The following RASGRP3 variants were observed in gnomAD, a reference collection of about 807,000 sequenced individuals.
The protein encoded by RASGRP3 is RAS guanyl releasing protein 3.
A neutral mutation model predicts 82.7 loss-of-function variants in RASGRP3; 54 were observed. That is an observed-to-expected ratio of 0.65 (90% CI 0.52 to 0.82). RASGRP3 has a LOEUF of 0.82. Ranked by LOEUF, RASGRP3 falls within the 40% of genes least tolerant of loss-of-function variation. The pLI, the probability that RASGRP3 is intolerant of heterozygous loss-of-function variation, is 0.00. For synonymous variants in RASGRP3, 309 were observed against 300.5 expected, an observed-to-expected ratio of 1.03 and a Z score of -0.29; for missense variants, 861 against 828.9, an observed-to-expected ratio of 1.04 and a Z score of -0.48.
At chr2:33,534,138 C>A (rs935838366) in intron 10 of RASGRP3, 185 bp from the exon 11 acceptor site, 12 of 578,308 alleles carry the variant, frequency 2.1e-5, no homozygotes, top group African/African-American at 1.7e-4. Context: ...TGATGATTAA[C>A]CAGGATTAAC....
chr2:33,548,331 G>A (rs1462694587), intron 13 of RASGRP3, among the ~76,000 whole-genome samples: 2 of 134,674 alleles, frequency 1.5e-5, no homozygotes, highest in Admixed American at 8.5e-5. Context: ...ACTGCAATCC[G>A]GCCTAGGCTA....
At chr2:33,511,412 C>T (rs985027183) in intron 1 of RASGRP3, among the ~76,000 whole-genome samples, 3 of 152,094 alleles carry the variant, frequency 2.0e-5, no homozygotes, top group African/African-American at 7.2e-5. Context: ...AATGAGTAAT[C>T]CACTGATATA....
intron 15 of RASGRP3, among the ~76,000 whole-genome samples, chr2:33,557,556 A>G (rs1444682164): frequency 1.3e-5 from 2 of 152,054 alleles, no homozygotes; most frequent in Non-Finnish European, 2.9e-5. Context: ...AAAAAATACA[A>G]AAAATTAGCC....
intron 10 of RASGRP3, among the ~76,000 whole-genome samples, chr2:33,527,782 A>C (rs182995013): frequency 6.6e-6 from 1 of 152,038 alleles, no homozygotes; most frequent in Non-Finnish European, 1.5e-5. Context: ...TCCTCACTGC[A>C]CTGCTTTGGC....
At chr2:33,528,398 G>A (rs1444082105) in intron 10 of RASGRP3, among the ~76,000 whole-genome samples, 3 of 152,196 alleles carry the variant, frequency 2.0e-5, no homozygotes, top group Non-Finnish European at 2.9e-5. Context: ...AGACACAACG[G>A]TGTATAGAAG....
chr2:33,480,234 G>A lies in RASGRP3; in HGVS notation c.-261+3527G>A, dbSNP rs191727554. 2.0e-3 allele frequency among the ~76,000 whole-genome samples: 311 copies of A among 152,050 alleles called. 5 individuals are homozygous for A. Among genetic ancestry groups the A allele is most frequent in the Admixed American group, 0.016 (250 of 15,264 alleles). On this transcript the variant is annotated intron_variant, in intron 1 of 17. Coordinates refer to ENST00000403687, the MANE Select transcript of RASGRP3 (RefSeq NM_001139488.2). ...ATTTTTTTGTATTTTTAGTAGAGAC[G>A]GGGTTTCACTGTGTTAGCCAGGATG... is the stretch of plus-strand genomic sequence containing the variant.
intron 1 of RASGRP3, among the ~76,000 whole-genome samples, chr2:33,495,359 T>G (rs190568272): frequency 6.6e-6 from 1 of 152,178 alleles, no homozygotes; most frequent in African/African-American, 2.4e-5. Flanking sequence ...ATAACTTAGA[T>G]TCATTGTTTG....
intron 4 of RASGRP3, among the ~76,000 whole-genome samples, chr2:33,519,302 T>C (rs901393878): frequency 3.3e-5 from 5 of 152,212 alleles, no homozygotes; most frequent in African/African-American, 1.2e-4. Flanking sequence ...TAATCCTAAA[T>C]ACAAAATCTT....
chr2:33,525,349 T>C (rs1293072377), intron 9 of RASGRP3, among the ~76,000 whole-genome samples: 1 of 151,164 alleles, frequency 6.6e-6, no homozygotes, highest in East Asian at 1.9e-4. Context: ...TGAATATATA[T>C]ATATATATTA....
chr2:33,550,700 GTCC>G (rs1432634853), intron 14 of RASGRP3, among the ~76,000 whole-genome samples: 1 of 152,176 alleles, frequency 6.6e-6, no homozygotes, highest in Non-Finnish European at 1.5e-5. Context: ...TGGCAGCCAT[GTCC>G]TCCTGTTGAC....
intron 9 of RASGRP3, among the ~76,000 whole-genome samples, chr2:33,525,699 CAAAAAAAAAAA>C (rs1167570668): frequency 3.7e-5 from 2 of 54,408 alleles, no homozygotes; most frequent in South Asian, 1.1e-3. Context: ...CCTGTCTCTA[CAAAAAAAAAAA>C]AAAAAAAAAA....
At chr2:33,553,767 G>C (rs978155394) in intron 14 of RASGRP3, among the ~76,000 whole-genome samples, 21 of 151,712 alleles carry the variant, frequency 1.4e-4, no homozygotes, top group African/African-American at 5.1e-4. Context: ...TTTTTTCTTT[G>C]AGATAGAATC....
At chr2:33,523,339 C>T (rs1672207010) in intron 7 of RASGRP3, among the ~76,000 whole-genome samples, 1 of 152,000 alleles carries the variant, frequency 6.6e-6, no homozygotes, top group African/African-American at 2.4e-5. Context: ...GCAGCTTGCA[C>T]CTGTAGTCCC....
chr2:33,543,822 A>G (rs1250054317), intron 13 of RASGRP3, among the ~76,000 whole-genome samples, 195 bp downstream of exon 13: 3 of 152,210 alleles, frequency 2.0e-5, no homozygotes, highest in African/African-American at 7.2e-5. Context: ...AGGGAAGACC[A>G]TGTTGTCAGT....
In RASGRP3 at chr2:33,558,679, T is replaced by C. The variant is rs1351570358; in HGVS notation, c.1713T>C (p.Asp571=). The C allele has an allele frequency of 1.3e-6, 2 of 1,597,386 alleles. No homozygotes were observed. The highest frequency in any genetic ancestry group is 2.7e-5 in the African/African-American group (2 of 74,240). Residue 571 remains aspartate, a synonymous_variant, in exon 17 of 18, where the codon GAT becomes GAC. Coordinates refer to ENST00000403687, the MANE Select transcript of RASGRP3 (RefSeq NM_001139488.2). ...ACCCTTTTTCACTTCCAGCGCAGGA[T>C]GAGGTGTTTGAGTTCCCTGGAGTCA... ...PGSPSLPPAQ[D]EVFEFPGVTA... is the part of the protein sequence containing the mutation.
At chr2:33,552,477 T>C (rs1472632671) in intron 14 of RASGRP3, among the ~76,000 whole-genome samples, 2 of 152,190 alleles carry the variant, frequency 1.3e-5, no homozygotes, top group Non-Finnish European at 2.9e-5. Flanking sequence ...GCTGTTTTTG[T>C]TTTTAAAATA....
At chr2:33,490,299 A>C (rs1289397679) in intron 1 of RASGRP3, among the ~76,000 whole-genome samples, 1 of 152,050 alleles carries the variant, frequency 6.6e-6, no homozygotes, top group African/African-American at 2.4e-5. Context: ...ATTCTAAACA[A>C]ACTTGTTGAG....
intron 2 of RASGRP3, among the ~76,000 whole-genome samples, chr2:33,471,303 G>A (rs1311505418): frequency 7.7e-6 from 1 of 129,160 alleles, no homozygotes; most frequent in Non-Finnish European, 1.8e-5. Context: ...ATCCTCCCAG[G>A]TTGGTAGGAC....
At chr2:33,516,746 C>T in intron 4 of RASGRP3, 102 bp downstream of exon 4, 1 of 776,784 alleles carries the variant, frequency 1.3e-6, no homozygotes, top group Non-Finnish European at 2.1e-6. Context: ...AATAAATAGT[C>T]TTTGGTTATC....
Sources: allele counts gnomAD v4.1 joint callset (sites outside exome capture counted in the v4.1 genomes callset), GRCh38; gene constraint gnomAD v4.1.1; transcripts MANE v1.5; gene names NCBI Gene and HGNC (gene_info 2026-07-23, HGNC 2026-07-21).